Variants in FRMD4A observed in about 807,000 individuals in gnomAD.
FRMD4A encodes FERM domain containing 4A.
In FRMD4A, 29 loss-of-function variants were observed where a neutral mutation model predicts 129.1. That is an observed-to-expected ratio of 0.22 (90% CI 0.17 to 0.31). FRMD4A has a LOEUF of 0.31. Ranked by LOEUF, FRMD4A falls within the 10% of genes least tolerant of loss-of-function variation. FRMD4A has a pLI of 1.00. For synonymous variants in FRMD4A, 634 were observed against 571.6 expected, an observed-to-expected ratio of 1.11 and a Z score of -1.56; for missense variants, 1,272 against 1,375.8, an observed-to-expected ratio of 0.92 and a Z score of 1.19.
intron 2 of FRMD4A, among the ~76,000 whole-genome samples, chr10:14,174,871 G>GTGTGTGTC (rs1324316121): frequency 1.2e-4 from 4 of 33,946 alleles, no homozygotes; most frequent in African/African-American, 2.2e-4. Context: ...AAAAAAGTGT[G>GTGTGTGTC]TGTGTGTCTG....
At chr10:13,774,248 A>T (rs1284351139) in intron 6 of FRMD4A, among the ~76,000 whole-genome samples, 2 of 152,164 alleles carry the variant, frequency 1.3e-5, no homozygotes, top group Non-Finnish European at 2.9e-5. Flanking sequence ...TATTGTATAA[A>T]GTAGGGGGGT....
chr10:14,023,490 A>G (rs1224715484), intron 2 of FRMD4A, among the ~76,000 whole-genome samples: 1 of 152,194 alleles, frequency 6.6e-6, no homozygotes, highest in East Asian at 1.9e-4. Flanking sequence ...TGGAAAGGTA[A>G]CAGCTCACAG....
chr10:13,812,370 C>T (rs891509964), intron 3 of FRMD4A, among the ~76,000 whole-genome samples: 3 of 152,152 alleles, frequency 2.0e-5, no homozygotes, highest in African/African-American at 7.2e-5. Context: ...GAAGAGACAC[C>T]AGAGAGCCTG....
intron 2 of FRMD4A, among the ~76,000 whole-genome samples, chr10:14,278,277 T>A (rs1332325616): frequency 6.6e-6 from 1 of 152,150 alleles, no homozygotes; most frequent in Non-Finnish European, 1.5e-5. Context: ...ATTTCTAAAT[T>A]TCCTTTTTCC....
intron 2 of FRMD4A, among the ~76,000 whole-genome samples, chr10:14,115,911 T>G (rs1057499888): frequency 6.6e-5 from 10 of 152,192 alleles, no homozygotes; most frequent in African/African-American, 2.2e-4. Context: ...AACTTAAAAC[T>G]CCACTGAGCT....
intron 2 of FRMD4A, among the ~76,000 whole-genome samples, chr10:13,914,185 A>G (rs2094974523): frequency 6.6e-6 from 1 of 152,254 alleles, no homozygotes; most frequent in South Asian, 2.1e-4. Flanking sequence ...TACAGGGCAG[A>G]GTATGCTGTG....
At chr10:13,688,804 C>T (rs2085360145) in intron 15 of FRMD4A, among the ~76,000 whole-genome samples, 1 of 152,220 alleles carries the variant, frequency 6.6e-6, no homozygotes, top group East Asian at 1.9e-4. Flanking sequence ...ACCTCTGCCT[C>T]CTAGCTAGGC....
intron 3 of FRMD4A, among the ~76,000 whole-genome samples, chr10:13,832,450 C>T (rs2093804940): frequency 6.6e-6 from 1 of 152,186 alleles, no homozygotes; most frequent in Admixed American, 6.5e-5. Context: ...CTTGCGAGCA[C>T]ATTAGAATCA....
chr10:14,023,761 A>G (rs535313804), intron 2 of FRMD4A, among the ~76,000 whole-genome samples: 14 of 152,364 alleles, frequency 9.2e-5, no homozygotes, highest in African/African-American at 1.2e-4. Flanking sequence ...TCACAGGAAT[A>G]GAAGTGTCCT....
chr10:14,270,021 A>G (rs189680365), intron 2 of FRMD4A, among the ~76,000 whole-genome samples: 1 of 152,152 alleles, frequency 6.6e-6, no homozygotes, highest in South Asian at 2.1e-4. Flanking sequence ...TGCGGCACCC[A>G]TCTTCTCCTG....
At chr10:13,755,151 T>C (rs551205690) in intron 8 of FRMD4A, among the ~76,000 whole-genome samples, 1 of 152,320 alleles carries the variant, frequency 6.6e-6, no homozygotes, top group South Asian at 2.1e-4. Flanking sequence ...TAAACGTTTA[T>C]ATTACTCAAA....
chr10:14,176,877 A>T (rs989617527), intron 2 of FRMD4A, among the ~76,000 whole-genome samples: 4 of 152,076 alleles, frequency 2.6e-5, no homozygotes, highest in Non-Finnish European at 5.9e-5. Flanking sequence ...ACTCTTGTTT[A>T]CTCAAAACAG....
intron 2 of FRMD4A, among the ~76,000 whole-genome samples, chr10:14,216,222 G>C (rs958183453): frequency 6.6e-6 from 1 of 152,156 alleles, no homozygotes; most frequent in Non-Finnish European, 1.5e-5. Flanking sequence ...TAATTAAACT[G>C]ACTTCCAACC....
intron 2 of FRMD4A, among the ~76,000 whole-genome samples, chr10:14,010,546 C>T (rs546849892): frequency 6.6e-6 from 1 of 150,684 alleles, no homozygotes; most frequent in Non-Finnish European, 1.5e-5. Context: ...AGTAGGTGAC[C>T]CCCTCCTTGG....
intron 21 of FRMD4A, among the ~76,000 whole-genome samples, chr10:13,658,881 C>CAA (rs60536121): frequency 3.8e-3 from 286 of 75,118 alleles, no homozygotes; most frequent in Middle Eastern, 0.015. Context: ...GACTCCATCT[C>CAA]AAAAAAAAAA....
chr10:13,846,598 C>G (rs1360360878), intron 3 of FRMD4A, among the ~76,000 whole-genome samples: 1 of 152,210 alleles, frequency 6.6e-6, no homozygotes, highest in African/African-American at 2.4e-5. Context: ...CAACTCCCTG[C>G]AATTGTAAAG....
chr10:13,719,572 T>C (rs2089220645), intron 12 of FRMD4A, among the ~76,000 whole-genome samples: 2 of 152,164 alleles, frequency 1.3e-5, no homozygotes, highest in African/African-American at 4.8e-5. Context: ...GTGTAAGGTT[T>C]GGTGTTAAAC....
intron 5 of FRMD4A, among the ~76,000 whole-genome samples, chr10:13,790,086 T>C (rs2092961721): frequency 6.6e-6 from 1 of 151,532 alleles, no homozygotes; most frequent in South Asian, 2.1e-4. Context: ...GAGTAAGAGA[T>C]GGATAGGGAG....
chr10:13,740,540 C>G lies in FRMD4A; in HGVS notation c.586G>C (p.Gly196Arg). 1 of 1,594,114 alleles carries G rather than the reference C, an allele frequency of 6.3e-7. No homozygotes were observed. The highest frequency in any genetic ancestry group is 8.6e-7 in the Non-Finnish European group (1 of 1,164,580). The change falls in exon 10 of 25, where the codon GGT becomes CGT. Residue 196 changes from glycine to arginine, a missense_variant. Transcript: ENST00000357447. ...RVIEHYKKLN[G>R]QTRGQAIVNY... ...ACGATTGCTTGACCTCTTGTCTGACCGTTCAGTTTCTTGTAGTGCTCAATG... is the reference window on the plus strand; with the variant it reads ...ACGATTGCTTGACCTCTTGTCTGACGGTTCAGTTTCTTGTAGTGCTCAATG...
Sources: allele counts gnomAD v4.1 joint callset (sites outside exome capture counted in the v4.1 genomes callset), GRCh38; gene constraint gnomAD v4.1.1; transcripts MANE v1.5; gene names NCBI Gene and HGNC (gene_info 2026-07-23, HGNC 2026-07-21).